The following LINC00632 variants were observed in gnomAD, a reference collection of about 807,000 sequenced individuals.
LINC00632 encodes the protein ALDOA related specific transcript.
chrX:140,788,682 TGAAAA>T (rs766899108), exon 5 of LINC00632, among the ~76,000 whole-genome samples: 137 of 107,656 alleles, frequency 1.3e-3, no homozygotes, highest in Non-Finnish European at 1.9e-3. Flanking sequence ...TAACAGGGAG[TGAAAA>T]GAAAAGTGTT....
chrX:140,761,917 A>T (rs1005479911), intron 3 of LINC00632, among the ~76,000 whole-genome samples: 3 of 111,205 alleles, frequency 2.7e-5, no homozygotes, highest in African/African-American at 9.8e-5. Flanking sequence ...GAAATGAGAG[A>T]GCCCAAATTC....
chrX:140,725,259 C>T (rs779870835), intron 2 of LINC00632, among the ~76,000 whole-genome samples: 1 of 103,781 alleles, frequency 9.6e-6, no homozygotes, highest in African/African-American at 3.7e-5. Flanking sequence ...ACATTCCGTA[C>T]ACACACACAG....
At chrX:140,744,530 G>A (rs1163374589) in intron 3 of LINC00632, among the ~76,000 whole-genome samples, 1 of 89,780 alleles carries the variant, frequency 1.1e-5, no homozygotes, top group Non-Finnish European at 2.1e-5. Flanking sequence ...GGTAAATTAG[G>A]TCAAGCCCAG....
At chrX:140,787,817 C>T (rs1219543274) in exon 5 of LINC00632, among the ~76,000 whole-genome samples, 2 of 110,905 alleles carry the variant, frequency 1.8e-5, no homozygotes, top group African/African-American at 6.5e-5. Context: ...GTATAATATT[C>T]ATGTTTCATA....
chrX:140,711,603 C>A (rs2148374052), intron 1 of LINC00632: 1 of 314,488 alleles, frequency 3.2e-6, no homozygotes, highest in Non-Finnish European at 6.3e-6. Flanking sequence ...GTGTGCTTTT[C>A]TGGTTTTTTC....
At chrX:140,719,468 T>C (rs931196910) in intron 2 of LINC00632, among the ~76,000 whole-genome samples, 1 of 110,213 alleles carries the variant, frequency 9.1e-6, no homozygotes, top group African/African-American at 3.3e-5. Context: ...CCAGCTAATT[T>C]TTGTATTTTT....
chrX:140,786,029 C>T (rs1221746679), exon 5 of LINC00632, among the ~76,000 whole-genome samples: 1 of 111,613 alleles, frequency 9.0e-6, no homozygotes, highest in Non-Finnish European at 1.9e-5. Context: ...AGTCTCAGCT[C>T]CCACCAGGTG....
intron 3 of LINC00632, among the ~76,000 whole-genome samples, chrX:140,758,673 T>C (rs1931535377): frequency 8.9e-6 from 1 of 111,846 alleles, no homozygotes; most frequent in Admixed American, 9.5e-5. Context: ...CCACCGTCCC[T>C]GGCTGAAAGT....
At chrX:140,767,359 T>G (rs771814251) in intron 3 of LINC00632, among the ~76,000 whole-genome samples, 1 of 111,831 alleles carries the variant, frequency 8.9e-6, no homozygotes. Context: ...AAAATTCACT[T>G]TATTAGTGTT....
chrX:140,784,438 T>C, exon 5 of LINC00632: 1 of 1,132,059 alleles, frequency 8.8e-7, no homozygotes, highest in Non-Finnish European at 1.2e-6. Context: ...AACAAATCCA[T>C]GTCTTCCTAT....
intron 2 of LINC00632, among the ~76,000 whole-genome samples, chrX:140,719,102 C>T (rs368526240): frequency 8.9e-6 from 1 of 112,139 alleles, no homozygotes; most frequent in Non-Finnish European, 1.9e-5. Flanking sequence ...AAATACTGGT[C>T]CAGCAAAATA....
chrX:140,764,964 G>C (rs1420526426), intron 3 of LINC00632, among the ~76,000 whole-genome samples: 1 of 111,321 alleles, frequency 9.0e-6, no homozygotes, highest in Non-Finnish European at 1.9e-5. Context: ...CAAGGCACTC[G>C]CCTCGGGTGC....
intron 3 of LINC00632, among the ~76,000 whole-genome samples, chrX:140,754,415 T>G (rs184342621): frequency 9.0e-6 from 1 of 111,653 alleles, no homozygotes; most frequent in African/African-American, 3.2e-5. Flanking sequence ...GGGGCATGAA[T>G]CACTGAAGCA....
At position 140,728,303 on chromosome X, in the gene LINC00632, A is replaced by C. The variant is rs778054328; in HGVS notation, n.105-5575A>C. On this transcript the variant is annotated intron_variant and non_coding_transcript_variant, in intron 2 of 4. Transcript: ENST00000648200. ...ATCTTATAATGCACAAACTAACTCC[A>C]CAGTACTTAGATACAACTTACAGAG... is the stretch of plus-strand genomic sequence containing the variant. Among the ~76,000 whole-genome samples the C allele has an allele frequency of 1.2e-4, 13 of 110,802 alleles. No homozygotes were observed. In the East Asian group the frequency reaches 3.7e-3, roughly 31 times the overall value.
At chrX:140,775,739 A>G (rs1931862887) in exon 5 of LINC00632, among the ~76,000 whole-genome samples, 1 of 109,827 alleles carries the variant, frequency 9.1e-6, no homozygotes, top group Non-Finnish European at 1.9e-5. Context: ...GAGGAAATGT[A>G]TGTACAGTAA....
exon 5 of LINC00632, among the ~76,000 whole-genome samples, chrX:140,778,559 C>T (rs191642832): frequency 0.01 from 1,098 of 106,618 alleles, 11 homozygotes; most frequent in African/African-American, 0.036. Context: ...GAGCCAAGAT[C>T]GCACCACTGC....
At chrX:140,778,553 C>T (rs753744129) in exon 5 of LINC00632, among the ~76,000 whole-genome samples, 1 of 106,137 alleles carries the variant, frequency 9.4e-6, no homozygotes, top group South Asian at 4.3e-4. Flanking sequence ...TGCAGTGAGC[C>T]AAGATCGCAC....
intron 3 of LINC00632, among the ~76,000 whole-genome samples, chrX:140,737,232 C>T (rs1468419363): frequency 5.4e-5 from 6 of 111,141 alleles, no homozygotes; most frequent in Admixed American, 2.9e-4. Context: ...AGATATTTTA[C>T]GATACAGTCT....
chrX:140,762,208 A>AG (rs1931603171), intron 3 of LINC00632, among the ~76,000 whole-genome samples: 2 of 70,663 alleles, frequency 2.8e-5, no homozygotes, highest in African/African-American at 1.1e-4. Flanking sequence ...AGTTTTTCGA[A>AG]AAGAGAGAGA....
Sources: allele counts gnomAD v4.1 joint callset (sites outside exome capture counted in the v4.1 genomes callset), GRCh38; gene constraint gnomAD v4.1.1; transcripts MANE v1.5; gene names NCBI Gene and HGNC (gene_info 2026-07-23, HGNC 2026-07-21).